DDX19A: variants seen among roughly 807,000 people sequenced by gnomAD.
DDX19A encodes the protein ATP-dependent RNA helicase DDX19A.
Under a neutral mutation model 60.6 loss-of-function variants are expected in DDX19A, and 12 were observed. That is an observed-to-expected ratio of 0.20 (90% CI 0.13 to 0.32). The LOEUF (loss-of-function observed/expected upper bound fraction) is 0.32, where lower values mean the gene tolerates loss of function less well. Among genes scored for constraint, DDX19A ranks in the 10% least tolerant of loss-of-function variants. The pLI is 1.00. For missense variants in DDX19A, 337 were observed against 600.6 expected, an observed-to-expected ratio of 0.56 and a Z score of 4.59; for synonymous variants, 206 against 218.2, an observed-to-expected ratio of 0.94 and a Z score of 0.49.
intron 2 of DDX19A, among the ~76,000 whole-genome samples, chr16:70,351,277 C>T (rs1597521209): frequency 6.6e-6 from 1 of 151,822 alleles, no homozygotes; most frequent in Non-Finnish European, 1.5e-5. Context: ...GTGATCTTGG[C>T]TCACTGCAAC....
In DDX19A at chr16:70,372,550, G is replaced by A. The variant is rs1295647269; in HGVS notation, c.*564G>A. 1.9e-5 allele frequency: 3 copies of A among 159,232 alleles called. No individual in the cohort carries two copies. Among genetic ancestry groups the A allele is most frequent in the Admixed American group, 1.8e-4 (3 of 16,464 alleles). The allele number at this position is 159,232 out of a possible 1,614,324, so 9.9% of individuals were successfully genotyped here. A position where few individuals can be genotyped will look rare whatever the true frequency, so the allele number is the denominator to read the frequency against. Reference sequence around the variant, plus strand: ...CTCATCCCTTCTCCCTTTCACTTCTGTTCTCTGCTGCAGAAAGCAGACTTG... The same window carrying A: ...CTCATCCCTTCTCCCTTTCACTTCTATTCTCTGCTGCAGAAAGCAGACTTG... On this transcript the variant is annotated 3_prime_UTR_variant, in exon 12 of 12. Transcript: ENST00000302243.
intron 8 of DDX19A, 148 bp from the exon 9 acceptor site, chr16:70,366,476 C>T (rs1274591528): frequency 1.3e-5 from 16 of 1,278,886 alleles, no homozygotes; most frequent in Non-Finnish European, 1.7e-5. Flanking sequence ...CAACCCTTGT[C>T]CCCATCCCAG....
At chr16:70,349,567 C>T (rs781457890) in intron 1 of DDX19A, among the ~76,000 whole-genome samples, 16 of 152,104 alleles carry the variant, frequency 1.1e-4, no homozygotes, top group African/African-American at 3.6e-4. Flanking sequence ...CTCTTCTGCC[C>T]GGTAGCCATC....
At chr16:70,356,755 T>C (rs1395977561) in intron 4 of DDX19A, 5 of 524,650 alleles carry the variant, frequency 9.5e-6, no homozygotes, top group Non-Finnish European at 1.4e-5. Flanking sequence ...CACCCTTGTG[T>C]CCTTGGCTAT....
intron 3 of DDX19A, 61 bp downstream of exon 3, chr16:70,355,596 G>A: frequency 1.5e-6 from 2 of 1,332,124 alleles, no homozygotes; most frequent in East Asian, 2.3e-5. Context: ...CCTTCCTGGA[G>A]CCAGGGGCAC....
chr16:70,356,246 C>T lies in DDX19A; in HGVS notation c.292C>T (p.Leu98=). The part of the protein sequence containing the change: ...YSVKSFEELR[L]KPQLLQGVYA... ...GGTGAAGTCGTTTGAAGAGCTTCGG[C>T]TGTGAGTATTCGCTCCTTTCAACAG... Residue 98 remains leucine (L), a splice_region_variant and synonymous_variant, in exon 4 of 12, where the codon CTG becomes TTG. Coordinates refer to ENST00000302243, the MANE Select transcript of DDX19A (RefSeq NM_018332.5). 6.2e-7 allele frequency: 1 copy of T among 1,614,202 alleles called. No homozygotes were observed. Among genetic ancestry groups the T allele is most frequent in the Non-Finnish European group, 8.5e-7 (1 of 1,180,040 alleles).
intron 7 of DDX19A, chr16:70,365,348 C>T (rs935013724): frequency 4.5e-5 from 17 of 379,388 alleles, no homozygotes; most frequent in African/African-American, 8.4e-5. Flanking sequence ...AAAAAATCCA[C>T]GCATGGCTCA....
intron 9 of DDX19A, among the ~76,000 whole-genome samples, chr16:70,367,583 G>C (rs1964556891): frequency 6.6e-6 from 1 of 150,814 alleles, no homozygotes; most frequent in Admixed American, 6.6e-5. Flanking sequence ...AATGATTTTA[G>C]AATAAAAGAG....
At position 70,366,114 on chromosome 16, in the gene DDX19A, A is replaced by T. The variant is rs1964511801; in HGVS notation, c.634A>T (p.Ile212Phe). The T allele has an allele frequency of 1.9e-6, 3 of 1,614,108 alleles. No individual in the cohort carries two copies. The highest frequency in any genetic ancestry group is 2.5e-6 in the Non-Finnish European group (3 of 1,180,032). ...LERGQKISEQ[I>F]VIGTPGTVLD... ...AAGAGGCCAGAAGATCAGTGAGCAG[A>T]TTGTCATTGGCACCCCTGGGACCGT... Residue 212 changes from isoleucine to phenylalanine, a missense_variant, in exon 8 of 12, where the codon ATT (isoleucine) becomes TTT (phenylalanine). By Grantham distance (21) the Ile-to-Phe change is conservative. Around this residue, in one of 6 missense-constraint regions of DDX19A, gnomAD observed 62 missense variants for 75.7 expected, o/e 0.82. Transcript: ENST00000302243.
In DDX19A at chr16:70,372,128, T is replaced by C. The variant is rs961520369; in HGVS notation, c.*142T>C. ...TACCTACCTCACTTCAAATTATGTT[T>C]GGACTTGACAAAAATAGGTGCAAAT... On this transcript the variant is annotated 3_prime_UTR_variant, in exon 12 of 12. Transcript: ENST00000302243. 47 of 1,379,920 alleles carry C rather than the reference T, an allele frequency of 3.4e-5. No homozygotes were observed. The African/African-American group carries it at 6.1e-4, about 18-fold the overall frequency. The allele number at this position is 1,379,920 out of a possible 1,614,324, so 85.5% of individuals were successfully genotyped here.
Position 70,346,920 on chromosome 16 carries a change from G to C in DDX19A, c.-72G>C. On this transcript the variant is annotated 5_prime_UTR_variant, in exon 1 of 12. Coordinates refer to ENST00000302243, the MANE Select transcript of DDX19A (RefSeq NM_018332.5). ...CGTGAGGTGCATTCTCGCGCCGGTG[G>C]CGAGGTTAGGGCCCGCGTTGCGACG... 1 of 1,490,940 alleles carries C rather than the reference G, an allele frequency of 6.7e-7. No homozygotes were observed. Among genetic ancestry groups the C allele is most frequent in the South Asian group, 1.2e-5 (1 of 83,952 alleles). 92.4% of individuals were successfully genotyped at this position (1,490,940 alleles called of 1,614,324 possible). A position where few individuals can be genotyped will look rare whatever the true frequency, so the allele number is the denominator to read the frequency against.
chr16:70,355,908 G>T, intron 3 of DDX19A: 2 of 658,300 alleles, frequency 3.0e-6, no homozygotes, highest in Non-Finnish European at 5.1e-6. Flanking sequence ...ACTACAGTGA[G>T]CTCTGATTGC....
At chr16:70,359,092 G>C (rs1210148766) in intron 4 of DDX19A, among the ~76,000 whole-genome samples, 5 of 152,148 alleles carry the variant, frequency 3.3e-5, no homozygotes, top group Non-Finnish European at 7.3e-5. Context: ...GGTTCTCTCT[G>C]ATTTAGTTGT....
At chr16:70,357,146 C>G (rs989478976) in intron 4 of DDX19A, among the ~76,000 whole-genome samples, 1 of 150,350 alleles carries the variant, frequency 6.7e-6, no homozygotes, top group African/African-American at 2.4e-5. Flanking sequence ...CTCAGCTACT[C>G]AGGAGGCGGA....
intron 1 of DDX19A, 123 bp from the exon 2 acceptor site, chr16:70,350,434 A>G (rs1963976067): frequency 1.2e-5 from 7 of 594,626 alleles, no homozygotes; most frequent in South Asian, 9.3e-5. Context: ...GAACAAACCG[A>G]CTCCCTGAAT....
rs146179204 is a variant in DDX19A at position 70,367,652 on chromosome 16, C to CG, written c.1020+793dup. ...CAGCACTTTGGCAGGCCGAGACAGG[C>CG]GGATCACCTGAGGTCGGGAGTTGGA... On this transcript the variant is annotated intron_variant, in intron 9 of 11. Coordinates refer to ENST00000302243, the MANE Select transcript of DDX19A (RefSeq NM_018332.5). Among the ~76,000 whole-genome samples, 541 of 151,946 alleles carry CG rather than the reference C, an allele frequency of 3.6e-3. 1 individual carries two copies. The highest frequency in any genetic ancestry group is 0.013 in the African/African-American group (519 of 41,440).
intron 4 of DDX19A, among the ~76,000 whole-genome samples, chr16:70,357,184 G>A (rs1964220915): frequency 6.7e-6 from 1 of 149,588 alleles, no homozygotes; most frequent in Non-Finnish European, 1.5e-5. Flanking sequence ...ACTTGAACCT[G>A]TGAGGCGGAG....
chr16:70,372,168 G>A lies in DDX19A; in HGVS notation c.*182G>A. The A allele has an allele frequency of 9.5e-7, 1 of 1,054,942 alleles. No individual in the cohort carries two copies. Among genetic ancestry groups the A allele is most frequent in the Non-Finnish European group, 1.4e-6 (1 of 728,672 alleles). 65.3% of individuals were successfully genotyped at this position (1,054,942 alleles called of 1,614,324 possible). On this transcript the variant is annotated 3_prime_UTR_variant, in exon 12 of 12. Coordinates refer to ENST00000302243, the MANE Select transcript of DDX19A (RefSeq NM_018332.5). ...TAGGTGCAAATGATGGGGGGCAATA[G>A]AAGAAAAAATTTGCATTTTGGAAAA... is the stretch of plus-strand genomic sequence containing the variant.
rs773814887 is a variant in DDX19A, at chr16:70,355,487, A to G, written c.109A>G (p.Ile37Val). ...EEKVKADTNG[I>V]IKTSTTAEKT... ...ATGACAATTGTTTTCTTGTGTAGGT[A>G]TTATCAAAACCAGTACCACTGCCGA... Residue 37 changes from isoleucine (I) to valine (V), a missense_variant and splice_region_variant, in exon 3 of 12, where the codon ATT becomes GTT. Ile to Val is a conservative substitution (Grantham distance 29, BLOSUM62 3). Coordinates refer to ENST00000302243, the MANE Select transcript of DDX19A (RefSeq NM_018332.5). 2.5e-6 allele frequency: 4 copies of G among 1,612,800 alleles called. No homozygotes were observed. The highest frequency in any genetic ancestry group is 2.2e-5 in the East Asian group (1 of 44,872).
Sources: gnomAD v4.1 joint callset for allele counts (sites outside exome capture counted in the v4.1 genomes callset) on GRCh38, gnomAD v4.1.1 for gene constraint, gnomAD v4.1.1 regional missense constraint, MANE v1.5 for transcripts, NCBI Gene and HGNC (gene_info 2026-07-23, HGNC 2026-07-21) for gene names.